Variants in ADGRB3 observed in about 807,000 individuals in gnomAD.
ADGRB3 encodes adhesion G protein-coupled receptor B3.
Under a neutral mutation model 193.4 loss-of-function variants are expected in ADGRB3, and 37 were observed. The observed-to-expected ratio is 0.19, with a 90% CI of 0.15 to 0.25. The LOEUF (loss-of-function observed/expected upper bound fraction) is 0.25, where lower values mean the gene tolerates loss of function less well. Ranked by LOEUF, ADGRB3 falls within the 10% of genes least tolerant of loss-of-function variation. ADGRB3 has a pLI of 1.00. For synonymous variants in ADGRB3, 690 were observed against 644.2 expected, an observed-to-expected ratio of 1.07 and a Z score of -1.08; for missense variants, 1,637 against 1,852.9, an observed-to-expected ratio of 0.88 and a Z score of 2.14.
intron 11 of ADGRB3, among the ~76,000 whole-genome samples, chr6:69,005,023 G>A (rs1392320197): frequency 6.6e-6 from 1 of 151,996 alleles, no homozygotes; most frequent in Non-Finnish European, 1.5e-5. Context: ...AAACTTGAGG[G>A]ATCACTCATT....
intron 3 of ADGRB3, among the ~76,000 whole-genome samples, chr6:68,668,333 G>A (rs924701804): frequency 2.0e-5 from 3 of 151,906 alleles, no homozygotes; most frequent in Non-Finnish European, 2.9e-5. Flanking sequence ...TACCGACAGG[G>A]AAGTCTGCAA....
intron 29 of ADGRB3, among the ~76,000 whole-genome samples, chr6:69,367,607 T>A (rs1442328187): frequency 6.6e-6 from 1 of 152,040 alleles, no homozygotes; most frequent in Non-Finnish European, 1.5e-5. Flanking sequence ...ATTTCTCTGA[T>A]GGCCAGTGAT....
At chr6:69,156,194 G>C (rs1246689560) in intron 17 of ADGRB3, among the ~76,000 whole-genome samples, 1 of 152,042 alleles carries the variant, frequency 6.6e-6, no homozygotes, top group Admixed American at 6.6e-5. Context: ...AAATGAACAT[G>C]GTTCCTGCCC....
chr6:69,073,113 C>T (rs1772125254), intron 16 of ADGRB3, among the ~76,000 whole-genome samples: 1 of 152,194 alleles, frequency 6.6e-6, no homozygotes, highest in Non-Finnish European at 1.5e-5. Context: ...AAGCATTTTG[C>T]TTGGATTGTT....
chr6:69,146,630 C>G lies in ADGRB3; in HGVS notation c.2480+70592C>G, dbSNP rs571817068. The stretch of plus-strand genomic sequence containing the variant: ...TCCACCTGTTCCCAGCTACCACTGG[C>G]TCCTTGGAGTGCACGGCCCTGGCTA... On this transcript the variant is annotated intron_variant, in intron 17 of 31. Transcript: ENST00000370598. Among the ~76,000 whole-genome samples, 2 of 152,340 alleles carry G rather than the reference C, an allele frequency of 1.3e-5. 1 individual carries two copies. Among genetic ancestry groups the G allele is most frequent in the South Asian group, 4.1e-4 (2 of 4,830 alleles).
intron 5 of ADGRB3, among the ~76,000 whole-genome samples, chr6:68,939,214 A>G (rs899205765): frequency 6.6e-6 from 1 of 152,170 alleles, no homozygotes; most frequent in Non-Finnish European, 1.5e-5. Context: ...AGATTTTTAA[A>G]TTAAAGTTTT....
chr6:68,820,495 G>A (rs502221), intron 3 of ADGRB3, among the ~76,000 whole-genome samples: 133,614 of 152,044 alleles, frequency 0.88, 58,885 homozygotes, highest in Middle Eastern at 0.94. Context: ...TTGTATTAAG[G>A]ACATTCAAAT....
intron 8 of ADGRB3, among the ~76,000 whole-genome samples, chr6:68,973,869 T>A (rs1768658867): frequency 6.6e-6 from 1 of 152,198 alleles, no homozygotes; most frequent in Admixed American, 6.5e-5. Flanking sequence ...ACAATATAGA[T>A]AGACCTCATT....
At chr6:69,028,726 A>G (rs778001456) in intron 13 of ADGRB3, among the ~76,000 whole-genome samples, 3 of 152,222 alleles carry the variant, frequency 2.0e-5, no homozygotes, top group African/African-American at 4.8e-5. Context: ...GTTGTGAGTA[A>G]CCCAAATGCT....
At chr6:69,314,560 T>G (rs1033990422) in intron 20 of ADGRB3, among the ~76,000 whole-genome samples, 3 of 151,656 alleles carry the variant, frequency 2.0e-5, no homozygotes, top group African/African-American at 7.3e-5. Context: ...CATAACCTTG[T>G]GCCATACCTT....
intron 3 of ADGRB3, among the ~76,000 whole-genome samples, chr6:68,814,926 A>G (rs1767599148): frequency 6.6e-6 from 1 of 152,182 alleles, no homozygotes; most frequent in African/African-American, 2.4e-5. Context: ...GCCTTTGACA[A>G]AATTCAACAA....
intron 3 of ADGRB3, among the ~76,000 whole-genome samples, chr6:68,819,831 T>C (rs1002185465): frequency 6.6e-6 from 1 of 152,088 alleles, no homozygotes; most frequent in Non-Finnish European, 1.5e-5. Context: ...ATTTTGCTGT[T>C]CGTCTGCTTT....
intron 17 of ADGRB3, among the ~76,000 whole-genome samples, chr6:69,201,660 A>G (rs949711481): frequency 4.6e-5 from 7 of 152,070 alleles, no homozygotes; most frequent in Admixed American, 6.6e-5. Flanking sequence ...TGTCAGCATC[A>G]CTGCTCTCTT....
In ADGRB3 at chr6:69,240,655, A is replaced by T. The variant is rs150512739; in HGVS notation, c.2814+1429A>T. On this transcript the variant is annotated intron_variant, in intron 20 of 31. Transcript: ENST00000370598. ...GTAAACATGGATGTAAGTGAAAAGA[A>T]AAAGGGAAACAAAAAGGCAATGATA... is the stretch of plus-strand genomic sequence containing the variant. Among the ~76,000 whole-genome samples, 979 of 148,970 alleles carry T rather than the reference A, an allele frequency of 6.6e-3. 5 individuals carry two copies. The highest frequency in any genetic ancestry group is 9.5e-3 in the Non-Finnish European group (633 of 66,562).
intron 17 of ADGRB3, among the ~76,000 whole-genome samples, chr6:69,130,025 A>G (rs1046519075): frequency 5.9e-5 from 9 of 152,106 alleles, no homozygotes; most frequent in Non-Finnish European, 1.3e-4. Flanking sequence ...ATAACAAAAT[A>G]TTATAAACTG....
intron 17 of ADGRB3, among the ~76,000 whole-genome samples, chr6:69,190,724 G>T (rs1765169152): frequency 6.6e-6 from 1 of 152,184 alleles, no homozygotes; most frequent in Admixed American, 6.6e-5. Flanking sequence ...ACCCAAAAGA[G>T]CAACTTCCAG....
intron 3 of ADGRB3, among the ~76,000 whole-genome samples, chr6:68,693,425 A>T (rs983020737): frequency 1.3e-5 from 2 of 151,960 alleles, no homozygotes; most frequent in African/African-American, 4.8e-5. Context: ...GCTTGAAAAC[A>T]TATACTAAAA....
intron 17 of ADGRB3, among the ~76,000 whole-genome samples, chr6:69,169,030 A>G (rs575371185): frequency 2.0e-5 from 3 of 152,200 alleles, no homozygotes; most frequent in South Asian, 4.1e-4. Context: ...ACTTTTTCCA[A>G]TGATGTAATG....
chr6:68,895,904 CAA>C (rs902450291), intron 3 of ADGRB3, among the ~76,000 whole-genome samples: 1 of 151,530 alleles, frequency 6.6e-6, no homozygotes, highest in Non-Finnish European at 1.5e-5. Context: ...CTGTTAAAAA[CAA>C]AATTTATGAT....
Sources: gnomAD v4.1 joint callset for allele counts (sites outside exome capture counted in the v4.1 genomes callset) on GRCh38, gnomAD v4.1.1 for gene constraint, MANE v1.5 for transcripts, NCBI Gene and HGNC (gene_info 2026-07-23, HGNC 2026-07-21) for gene names.